KLF8: variants seen among roughly 807,000 people sequenced by gnomAD.
KLF8 encodes the protein Krueppel-like factor 8.
KLF8 carries 10 observed loss-of-function variants against 18.2 expected under a neutral mutation model. That is an observed-to-expected ratio of 0.55 (90% CI 0.34 to 0.93). The LOEUF is 0.93. Among genes scored for constraint, KLF8 ranks in the 40% least tolerant of loss-of-function variants. KLF8 has a pLI of 0.02. For synonymous variants in KLF8, 109 were observed against 97.3 expected, an observed-to-expected ratio of 1.12 and a Z score of -0.71; for missense variants, 264 against 277.9, an observed-to-expected ratio of 0.95 and a Z score of 0.36.
the KLF8 span, among the ~76,000 whole-genome samples, chrX:55,911,564 C>T: frequency 3.6e-5 from 4 of 111,555 alleles, no homozygotes; most frequent in Admixed American, 3.8e-4. Flanking sequence ...ACTGTGCTTC[C>T]CCCAAGTCCT....
the KLF8 span, among the ~76,000 whole-genome samples, chrX:56,120,816 C>A: frequency 1.8e-5 from 2 of 111,443 alleles, no homozygotes; most frequent in Non-Finnish European, 3.8e-5. Flanking sequence ...GAGAGTTTGA[C>A]CTTTTTCATT....
the KLF8 span, among the ~76,000 whole-genome samples, chrX:56,061,589 TCA>T: frequency 9.0e-6 from 1 of 111,716 alleles, no homozygotes. Context: ...TCCAATTATG[TCA>T]TCAATTTTAG....
the KLF8 span, among the ~76,000 whole-genome samples, chrX:56,175,453 T>C: frequency 8.9e-6 from 1 of 112,083 alleles, no homozygotes; most frequent in Non-Finnish European, 1.9e-5. Context: ...TGCACTGTGG[T>C]CTGAGAGACA....
At chrX:56,136,745 T>C in the KLF8 span, among the ~76,000 whole-genome samples, 6 of 110,804 alleles carry the variant, frequency 5.4e-5, 1 homozygote, top group Admixed American at 5.8e-4. Flanking sequence ...AAAGCCAAAA[T>C]TGACAAATGG....
At chrX:56,215,268 T>C in the KLF8 span, among the ~76,000 whole-genome samples, 4 of 112,103 alleles carry the variant, frequency 3.6e-5, no homozygotes, top group East Asian at 1.1e-3. Flanking sequence ...TCATCACTAT[T>C]GTAGAGATGG....
intron 2 of KLF8, among the ~76,000 whole-genome samples, chrX:56,251,694 C>T (rs1458128708): frequency 9.0e-6 from 1 of 110,661 alleles, no homozygotes; most frequent in Non-Finnish European, 1.9e-5. Context: ...AACTCCTGAC[C>T]TCATGATCCG....
the KLF8 span, among the ~76,000 whole-genome samples, chrX:56,049,718 C>A: frequency 1.7e-4 from 18 of 108,654 alleles, no homozygotes; most frequent in East Asian, 5.7e-4. Context: ...GGATATTGGT[C>A]TAAAATTCTC....
At chrX:56,199,936 A>G in the KLF8 span, among the ~76,000 whole-genome samples, 5 of 111,368 alleles carry the variant, frequency 4.5e-5, no homozygotes, top group Non-Finnish European at 5.7e-5. Context: ...TTGCAGAGAC[A>G]TGGATCAAGC....
chrX:56,111,155 C>T, the KLF8 span, among the ~76,000 whole-genome samples: 1 of 112,332 alleles, frequency 8.9e-6, no homozygotes, highest in Non-Finnish European at 1.9e-5. Context: ...AGCCTACTGC[C>T]TTCTAACTCT....
the KLF8 span, among the ~76,000 whole-genome samples, chrX:55,938,080 A>T: frequency 3.1e-4 from 34 of 111,459 alleles, 1 homozygote; most frequent in Non-Finnish European, 5.6e-4. Context: ...TGTCAGATTC[A>T]CCAAAGTTGA....
chrX:55,991,167 T>C, the KLF8 span, among the ~76,000 whole-genome samples: 1 of 112,323 alleles, frequency 8.9e-6, no homozygotes, highest in Non-Finnish European at 1.9e-5. Flanking sequence ...TGGAGCTTCC[T>C]GGCCACTTTG....
chrX:56,045,023 G>T, the KLF8 span, among the ~76,000 whole-genome samples: 1 of 112,227 alleles, frequency 8.9e-6, no homozygotes, highest in African/African-American at 3.2e-5. Context: ...AATTTTTATT[G>T]TTTCAGGTCT....
chrX:56,228,751 CCTT>C (rs753735436), upstream of KLF8, among the ~76,000 whole-genome samples: 148 of 111,733 alleles, frequency 1.3e-3, no homozygotes, highest in East Asian at 7.3e-3. Flanking sequence ...CAAAAGGTCT[CCTT>C]CTAGCTGAGC....
the KLF8 span, among the ~76,000 whole-genome samples, chrX:55,936,827 G>A: frequency 2.0e-5 from 2 of 99,915 alleles, no homozygotes; most frequent in South Asian, 4.9e-4. Flanking sequence ...TGAGGCTGGG[G>A]GAGGGGCGCC....
chrX:56,008,092 A>G, the KLF8 span, among the ~76,000 whole-genome samples: 1 of 109,010 alleles, frequency 9.2e-6, no homozygotes, highest in Non-Finnish European at 1.9e-5. Flanking sequence ...TGTTATGCAA[A>G]TAACTGGAAT....
At chrX:56,229,546 G>A (rs1256200029), upstream of KLF8, among the ~76,000 whole-genome samples, 1 of 111,884 alleles carries the variant, frequency 8.9e-6, no homozygotes, top group Non-Finnish European at 1.9e-5. Flanking sequence ...ACACCCTTTC[G>A]TGTGACATAG....
At chrX:55,930,535 T>A in the KLF8 span, among the ~76,000 whole-genome samples, 4 of 111,888 alleles carry the variant, frequency 3.6e-5, no homozygotes, top group Admixed American at 9.5e-5. Context: ...AGAAATAGCT[T>A]GTATTATTTT....
At chrX:55,926,074 T>C in the KLF8 span, among the ~76,000 whole-genome samples, 1 of 111,973 alleles carries the variant, frequency 8.9e-6, no homozygotes, top group Non-Finnish European at 1.9e-5. Context: ...GGTCTGACAC[T>C]TAGTAGAAAG....
the KLF8 span, among the ~76,000 whole-genome samples, chrX:56,180,723 A>G: frequency 2.7e-5 from 3 of 111,106 alleles, no homozygotes; most frequent in Admixed American, 2.9e-4. Flanking sequence ...TTATGTACCT[A>G]GTAGTCATTC....
Sources: allele counts gnomAD v4.1 joint callset (sites outside exome capture counted in the v4.1 genomes callset), GRCh38; gene constraint gnomAD v4.1.1; transcripts MANE v1.5; gene names NCBI Gene and HGNC (gene_info 2026-07-23, HGNC 2026-07-21).